The following SLITRK4 variants were observed in gnomAD, a reference collection of about 807,000 sequenced individuals.
SLITRK4 encodes the protein SLIT and NTRK like family member 4.
A neutral mutation model predicts 34.7 loss-of-function variants in SLITRK4; 7 were observed. The ratio of observed to expected loss-of-function variants is 0.20; its 90% confidence interval spans 0.11 to 0.38. The LOEUF is 0.38. Among genes scored for constraint, SLITRK4 ranks in the 10% least tolerant of loss-of-function variants. The pLI is 1.00. For synonymous variants in SLITRK4, 237 were observed against 246.2 expected (o/e 0.96, Z 0.35); for missense variants, 474 against 607.0 (o/e 0.78, Z 2.30).
Position 143,629,376 on chromosome X carries a change from A to T in SLITRK4, c.1733T>A (p.Ile578Asn). ...CTTATTTAAAAGTTTGGGACATAAG[A>T]TTTCATTTTTGAGGGACTTCAGTTC... ...NIELKSLKNE[I>N]LCPKLLNKPS... Residue 578 changes from isoleucine (I) to asparagine (N), a missense_variant, in exon 2 of 2, where the codon ATC becomes AAC. Physicochemically the swap from Ile to Asn is moderately radical, Grantham distance 149. Transcript: ENST00000356928. 8.3e-7 allele frequency: 1 copy of T among 1,211,417 alleles called. No homozygotes were observed. The highest frequency in any genetic ancestry group is 1.1e-6 in the Non-Finnish European group (1 of 895,460).
rs2124318314 is a variant in SLITRK4 at position 143,625,914 on chromosome X, A to T, written c.*2681T>A. The T allele has an allele frequency of 8.9e-6, 1 of 112,143 alleles. No homozygotes were observed. The highest frequency in any genetic ancestry group is 9.4e-5 in the Admixed American group (1 of 10,617). 9.2% of individuals were successfully genotyped at this position (112,143 alleles called of 1,213,427 possible). On this transcript the variant is annotated 3_prime_UTR_variant, in exon 2 of 2. Coordinates refer to ENST00000356928, the MANE Select transcript of SLITRK4 (RefSeq NM_001184749.3). ...ATATGTTAAATTACTTTTTAAAAAA[A>T]GTTGAACATTTATACCTTTTAGCAG...
rs1162839942 is a variant in SLITRK4 at position 143,625,269 on chromosome X, A to T, written c.*3326T>A. On this transcript the variant is annotated 3_prime_UTR_variant, in exon 2 of 2. Coordinates refer to ENST00000356928, the MANE Select transcript of SLITRK4 (RefSeq NM_001184749.3). Reference sequence around the variant, plus strand: ...ATTTTTTCAGTCTATTCAGAATGAAAAACTAAATATAGAATATAAATTGCC... The same window carrying T: ...ATTTTTTCAGTCTATTCAGAATGAATAACTAAATATAGAATATAAATTGCC... 1.8e-5 allele frequency: 2 copies of T among 111,703 alleles called. No individual in the cohort carries two copies. Among genetic ancestry groups the T allele is most frequent in the African/African-American group, 6.5e-5 (2 of 30,866 alleles). 9.2% of individuals were successfully genotyped at this position (111,703 alleles called of 1,213,427 possible).
At chrX:143,633,753 G>C (rs1931126970) in intron 1 of SLITRK4, among the ~76,000 whole-genome samples, 2 of 111,770 alleles carry the variant, frequency 1.8e-5, no homozygotes, top group African/African-American at 6.5e-5. Flanking sequence ...AGGTGGAAGA[G>C]GTTCGCGGAG....
chrX:143,628,979 CATG>C lies in SLITRK4; in HGVS notation c.2127_2129del (p.Phe709_Met710delinsLeu). On this transcript the variant is annotated inframe_deletion, in exon 2 of 2. Transcript: ENST00000356928. The stretch of plus-strand genomic sequence containing the variant: ...CTTTCTGTCCTGGAGGATCTGAAAA[CATG>C]AACCCAGTTTCTGACTCTTTCAAGC... The C allele has an allele frequency of 8.3e-7, 1 of 1,211,434 alleles. No individual in the cohort carries two copies. Among genetic ancestry groups the C allele is most frequent in the Non-Finnish European group, 1.1e-6 (1 of 895,448 alleles).
rs1602929053 is a variant in SLITRK4 at position 143,629,149 on chromosome X, C to T, written c.1960G>A (p.Glu654Lys). 16 of 1,210,001 alleles carry T rather than the reference C, an allele frequency of 1.3e-5. No individual in the cohort carries two copies. The highest frequency in any genetic ancestry group is 1.8e-5 in the Non-Finnish European group (16 of 895,339). ...CCACAGTCAGGATTCCCCAGGCCTT[C>T]GTGCTTCACTGTGGGTTTCTTGTTG... is the stretch of plus-strand genomic sequence containing the variant. ...RRNKKPTVKH[E>K]GLGNPDCGSM... Residue 654 changes from glutamate (E) to lysine (K), a missense_variant, in exon 2 of 2, where the codon GAA becomes AAA. Glu to Lys is a moderately conservative substitution (Grantham distance 56). Around this residue, in one of 3 missense-constraint regions of SLITRK4, gnomAD observed 345 missense variants for 406.5 expected, o/e 0.85. Coordinates refer to ENST00000356928, the MANE Select transcript of SLITRK4 (RefSeq NM_001184749.3).
intron 1 of SLITRK4, among the ~76,000 whole-genome samples, chrX:143,632,540 A>G (rs1192163598): frequency 1.8e-5 from 2 of 112,131 alleles, no homozygotes; most frequent in Admixed American, 9.5e-5. Flanking sequence ...TAAAATACCC[A>G]GGAACACACA....
At chrX:143,635,232 A>G (rs1931198570) in intron 1 of SLITRK4, 2 of 85,554 alleles carry the variant, frequency 2.3e-5, no homozygotes, top group Admixed American at 1.4e-4. Context: ...CTGAGCTCCT[A>G]CCCCCGTCCC....
At position 143,622,983 on chromosome X, in the gene SLITRK4, C is replaced by G. The variant is rs1930679331; in HGVS notation, c.*5612G>C. The stretch of plus-strand genomic sequence containing the variant: ...GAGCAATATCCACTGCACAACATGC[C>G]TTCCTGCAGCTATTAACCAGCAGCG... On this transcript the variant is annotated 3_prime_UTR_variant, in exon 2 of 2. Coordinates refer to ENST00000356928, the MANE Select transcript of SLITRK4 (RefSeq NM_001184749.3). 1 of 110,088 alleles carries G rather than the reference C, an allele frequency of 9.1e-6. No individual in the cohort carries two copies. Among genetic ancestry groups the G allele is most frequent in the Non-Finnish European group, 1.9e-5 (1 of 52,651 alleles). The allele number at this position is 110,088 out of a possible 1,213,427, so 9.1% of individuals were successfully genotyped here.
chrX:143,630,014 A>G lies in SLITRK4; in HGVS notation c.1095T>C (p.Asn365=), dbSNP rs781904426. Residue 365 remains asparagine (N), a synonymous_variant, in exon 2 of 2, where the codon AAT becomes AAC. Coordinates refer to ENST00000356928, the MANE Select transcript of SLITRK4 (RefSeq NM_001184749.3). The stretch of plus-strand genomic sequence containing the variant: ...GTATCAGTTCAGACATAGACTGTAT[A>G]TTTTTCTCTTGGCAGTTCACACTTA... ...LGLSVNCQEK[N]IQSMSELIPK... The G allele has an allele frequency of 4.1e-6, 5 of 1,211,412 alleles. No homozygotes were observed. The highest frequency in any genetic ancestry group is 3.0e-5 in the East Asian group (1 of 33,801).
At chrX:143,634,396 C>T (rs1388590502) in intron 1 of SLITRK4, 2 of 111,847 alleles carry the variant, frequency 1.8e-5, no homozygotes, top group Non-Finnish European at 1.9e-5. Context: ...CGGGCCACTG[C>T]CCCGAGCCTC....
At chrX:143,632,214 C>G (rs1486674299) in intron 1 of SLITRK4, among the ~76,000 whole-genome samples, 1 of 111,730 alleles carries the variant, frequency 9.0e-6, no homozygotes. Flanking sequence ...CAGTACAGCA[C>G]ATTTTTCGTC....
chrX:143,634,743 G>C (rs1931174049), intron 1 of SLITRK4: 1 of 103,091 alleles, frequency 9.7e-6, no homozygotes, highest in African/African-American at 3.4e-5. Context: ...GCGTGCGCGC[G>C]CGCGAGATCT....
At position 143,626,170 on chromosome X, in the gene SLITRK4, A is replaced by T. The variant is rs1041777064; in HGVS notation, c.*2425T>A. 25 of 111,569 alleles carry T rather than the reference A, an allele frequency of 2.2e-4. No homozygotes were observed. The highest frequency in any genetic ancestry group is 8.1e-4 in the African/African-American group (25 of 30,821). The allele number at this position is 111,569 out of a possible 1,213,427, so 9.2% of individuals were successfully genotyped here. ...CCATACTTTATTGACAGACTAAACT[A>T]AAACACTTTCTTTGAAGCCTTTGCA... On this transcript the variant is annotated 3_prime_UTR_variant, in exon 2 of 2. Coordinates refer to ENST00000356928, the MANE Select transcript of SLITRK4 (RefSeq NM_001184749.3).
At position 143,629,958 on chromosome X, in the gene SLITRK4, A is replaced by G. The variant is rs182804025; in HGVS notation, c.1151T>C (p.Val384Ala). ...CACATCCTTGATGCTATTGCCATTG[A>G]CGTGCAGCTTCTTCGCATTTAAAGG... ...PKPLNAKKLH[V>A]NGNSIKDVDV... is the part of the protein sequence containing the mutation. The change falls in exon 2 of 2, where the codon GTC becomes GCC. Residue 384 changes from valine (V) to alanine (A), a missense_variant. This residue lies in a region of SLITRK4 where 345 missense variants were observed against 406.5 expected (regional missense o/e 0.85). Coordinates refer to ENST00000356928, the MANE Select transcript of SLITRK4 (RefSeq NM_001184749.3). The G allele has an allele frequency of 8.3e-7, 1 of 1,210,275 alleles. No homozygotes were observed. Among genetic ancestry groups the G allele is most frequent in the African/African-American group, 1.7e-5 (1 of 57,265 alleles).
Position 143,625,310 on chromosome X carries a change from A to C in SLITRK4, c.*3285T>G, listed in dbSNP as rs1224295021. The C allele has an allele frequency of 9.0e-6, 1 of 111,568 alleles. No individual in the cohort carries two copies. The highest frequency in any genetic ancestry group is 9.5e-5 in the Admixed American group (1 of 10,479). 9.2% of individuals were successfully genotyped at this position (111,568 alleles called of 1,213,427 possible). ...ATAAATTGCCTTATAGACTTGAATC[A>C]CTCTACTTTAATAGCTGCTTTCTCA... On this transcript the variant is annotated 3_prime_UTR_variant, in exon 2 of 2. Transcript: ENST00000356928.
Position 143,626,126 on chromosome X carries a change from C to T in SLITRK4, c.*2469G>A, listed in dbSNP as rs1228946237. ...ACTTTCTGATTCCTCCTATAAGTGTCTATTTAAGATCCTTCAAGCCATACT... is the reference window on the plus strand; with the variant it reads ...ACTTTCTGATTCCTCCTATAAGTGTTTATTTAAGATCCTTCAAGCCATACT... On this transcript the variant is annotated 3_prime_UTR_variant, in exon 2 of 2. Coordinates refer to ENST00000356928, the MANE Select transcript of SLITRK4 (RefSeq NM_001184749.3). 1 of 111,346 alleles carries T rather than the reference C, an allele frequency of 9.0e-6. No homozygotes were observed. The highest frequency in any genetic ancestry group is 2.8e-4 in the East Asian group (1 of 3,546). The allele number at this position is 111,346 out of a possible 1,213,427, so 9.2% of individuals were successfully genotyped here. A position where few individuals can be genotyped will look rare whatever the true frequency, so the allele number is the denominator to read the frequency against.
At chrX:143,635,157 C>A (rs1300254092) in intron 1 of SLITRK4, 1 of 83,431 alleles carries the variant, frequency 1.2e-5, no homozygotes, top group Admixed American at 1.3e-4. Flanking sequence ...TCCACCACCC[C>A]CCCCCACCCC....
Position 143,630,505 on chromosome X carries a change from T to C in SLITRK4, c.604A>G (p.Ile202Val). 3 of 1,211,726 alleles carry C rather than the reference T, an allele frequency of 2.5e-6. No individual in the cohort carries two copies. Residue 202 changes from isoleucine (I) to valine (V), a missense_variant, in exon 2 of 2, where the codon ATT (isoleucine) becomes GTT (valine). Coordinates refer to ENST00000356928, the MANE Select transcript of SLITRK4 (RefSeq NM_001184749.3). ...KLPYIGVLEH[I>V]GRVVELQLED... ...AGTTGCAATTCAACGACACGGCCAA[T>C]GTGTTCCAGAACCCCGATATAAGGG...
rs782168709 is a variant in SLITRK4 at position 143,630,829 on chromosome X, T to G, written c.280A>C (p.Lys94Gln). 8.3e-7 allele frequency: 1 copy of G among 1,211,849 alleles called. No individual in the cohort carries two copies. ...GCTCCTCCCTCAATGTTCTGCAGTTTATTATTCCCCAGATGCAGGGAGACT... is the reference window on the plus strand; with the variant it reads ...GCTCCTCCCTCAATGTTCTGCAGTTGATTATTCCCCAGATGCAGGGAGACT... The part of the protein sequence containing the change: ...HAVSLHLGNN[K>Q]LQNIEGGAFL... The change falls in exon 2 of 2, where the codon AAA (lysine) becomes CAA (glutamine). Residue 94 changes from lysine to glutamine, a missense_variant. Coordinates refer to ENST00000356928, the MANE Select transcript of SLITRK4 (RefSeq NM_001184749.3).
Sources: allele counts gnomAD v4.1 joint callset (sites outside exome capture counted in the v4.1 genomes callset), GRCh38; gene constraint gnomAD v4.1.1; regional missense constraint gnomAD v4.1.1; transcripts MANE v1.5; gene names NCBI Gene and HGNC (gene_info 2026-07-23, HGNC 2026-07-21).